Variants in PECAM1 observed in about 807,000 individuals in gnomAD.
PECAM1 encodes the protein platelet and endothelial cell adhesion molecule 1, also known as platelet endothelial cell adhesion molecule.
A neutral mutation model predicts 13.8 loss-of-function variants in PECAM1; 8 were observed. The ratio of observed to expected loss-of-function variants is 0.58; its 90% CI spans 0.34 to 1.05. The LOEUF is 1.05. PECAM1 is among the 50% of genes least tolerant of loss of function. PECAM1 has a pLI of 0.03. For synonymous variants in PECAM1, 136 were observed against 52.6 expected (o/e 2.58, Z -6.86); for missense variants, 304 against 141.2 (o/e 2.15, Z -5.84).
intron 13 of PECAM1, among the ~76,000 whole-genome samples, chr17:64,347,763 C>T (rs972730311): frequency 2.0e-5 from 3 of 147,728 alleles, no homozygotes; most frequent in Admixed American, 6.9e-5. Flanking sequence ...TGGAGTCTCA[C>T]TCTGTCACCC....
At chr17:64,337,176 A>C (rs892653953) in intron 14 of PECAM1, among the ~76,000 whole-genome samples, 24 of 152,228 alleles carry the variant, frequency 1.6e-4, no homozygotes, top group South Asian at 1.2e-3. Context: ...CAGCCTGTGC[A>C]AGAACCAGGG....
chr17:64,324,415 G>A (rs782202017), intron 15 of PECAM1, among the ~76,000 whole-genome samples: 2 of 152,102 alleles, frequency 1.3e-5, no homozygotes, highest in African/African-American at 2.4e-5. Flanking sequence ...GCTCTGTAGG[G>A]ACCATAGCCT....
chr17:64,389,182 C>A (rs2036664538), intron 2 of PECAM1, among the ~76,000 whole-genome samples: 2 of 152,178 alleles, frequency 1.3e-5, no homozygotes, highest in Admixed American at 6.5e-5. Flanking sequence ...CACCAGCTAG[C>A]CTTGCCCATG....
In PECAM1 at chr17:64,360,333, C is replaced by A; in HGVS notation, c.1299G>T (p.Ser433=). ...AAGAAATAGGCAAAGTTCCACTGATCGATTCGCAACGGACTTCGATGGTCT... is the reference window on the plus strand; with the variant it reads ...AAGAAATAGGCAAAGTTCCACTGATAGATTCGCAACGGACTTCGATGGTCT... ...KGQTIEVRCE[S]ISGTLPISYQ... Residue 433 remains serine, a synonymous_variant, in exon 7 of 16, where the codon TCG becomes TCT. Coordinates refer to ENST00000563924, the MANE Select transcript of PECAM1 (RefSeq NM_000442.5). 2 of 475,330 alleles carry A rather than the reference C, an allele frequency of 4.2e-6. No homozygotes were observed. Among genetic ancestry groups the A allele is most frequent in the Non-Finnish European group, 3.9e-6 (1 of 259,048 alleles). 29.4% of individuals were successfully genotyped at this position (475,330 alleles called of 1,614,324 possible).
chr17:64,364,950 T>C (rs2036069866), intron 5 of PECAM1, among the ~76,000 whole-genome samples: 2 of 151,304 alleles, frequency 1.3e-5, no homozygotes, highest in Middle Eastern at 3.4e-3. Flanking sequence ...CTATTCAACA[T>C]AGTGTTGGAA....
At chr17:64,371,986 C>T (rs887101368) in intron 4 of PECAM1, among the ~76,000 whole-genome samples, 8 of 151,650 alleles carry the variant, frequency 5.3e-5, no homozygotes, top group East Asian at 3.9e-4. Flanking sequence ...AGGTGGTTTA[C>T]GGGAAAAAAA....
At chr17:64,379,652 G>A (rs965792548) in intron 2 of PECAM1, among the ~76,000 whole-genome samples, 6 of 152,058 alleles carry the variant, frequency 3.9e-5, no homozygotes, top group African/African-American at 1.5e-4. Context: ...GGTTTAATCA[G>A]CACCATAAAA....
At chr17:64,324,850 CAG>C (rs1469923677) in intron 15 of PECAM1, among the ~76,000 whole-genome samples, 1 of 152,136 alleles carries the variant, frequency 6.6e-6, no homozygotes, top group Non-Finnish European at 1.5e-5. Flanking sequence ...AGAAAGTAGA[CAG>C]TGGTTGCTAG....
At chr17:64,358,526 C>T (rs928530974) in intron 7 of PECAM1, among the ~76,000 whole-genome samples, 11 of 152,148 alleles carry the variant, frequency 7.2e-5, no homozygotes, top group Non-Finnish European at 1.5e-4. Flanking sequence ...AGCCCTGGCA[C>T]CTAGCCCAGC....
intron 6 of PECAM1, 86 bp from the exon 7 acceptor site, chr17:64,360,501 G>A: frequency 2.3e-6 from 1 of 432,400 alleles, no homozygotes; most frequent in Non-Finnish European, 4.2e-6. Context: ...CAAAGCCTGA[G>A]CTTTGCTTTC....
rs1598019680 is a variant in PECAM1, at chr17:64,350,422, C to T, written c.2002G>A (p.Asp668Asn). The T allele has an allele frequency of 4.6e-6, 2 of 430,412 alleles. No individual in the cohort carries two copies. The highest frequency in any genetic ancestry group is 4.3e-6 in the Non-Finnish European group (1 of 234,484). The allele number at this position is 430,412 out of a possible 1,614,324, so 26.7% of individuals were successfully genotyped here. Residue 668 changes from aspartate to asparagine, a missense_variant, in exon 12 of 16, where the codon GAT becomes AAT. Coordinates refer to ENST00000563924, the MANE Select transcript of PECAM1 (RefSeq NM_000442.5). Reference protein sequence around the residue: ...EANSHYGHNDDVRNHAMKPIN... With the variant: ...EANSHYGHNDNVRNHAMKPIN... ...GGTTTCATTGCATGGTTTCTGACAT[C>T]GTCATTGTGACCTAGTTGAAAAATA...
At chr17:64,359,096 C>T (rs1172633018) in intron 7 of PECAM1, among the ~76,000 whole-genome samples, 1 of 152,092 alleles carries the variant, frequency 6.6e-6, no homozygotes, top group Non-Finnish European at 1.5e-5. Context: ...CCTCAACCAG[C>T]CTATGTTAAT....
chr17:64,381,374 T>C (rs1304849599), intron 2 of PECAM1, among the ~76,000 whole-genome samples: 2 of 152,212 alleles, frequency 1.3e-5, no homozygotes, highest in Non-Finnish European at 2.9e-5. Context: ...CCTGCCTTTA[T>C]TTTTCTCTCA....
intron 5 of PECAM1, among the ~76,000 whole-genome samples, chr17:64,367,634 A>T (rs2036140929): frequency 1.3e-5 from 2 of 152,030 alleles, no homozygotes; most frequent in Admixed American, 1.3e-4. Flanking sequence ...AAAGTTATCC[A>T]GGGAAAGTAT....
At position 64,321,588 on chromosome 17, in the gene PECAM1, T is replaced by C; in HGVS notation, c.*2228A>G. 2.0e-6 allele frequency: 1 copy of C among 487,924 alleles called. No homozygotes were observed. Among genetic ancestry groups the C allele is most frequent in the Non-Finnish European group, 2.8e-6 (1 of 354,468 alleles). 30.2% of individuals were successfully genotyped at this position (487,924 alleles called of 1,614,324 possible). A position where few individuals can be genotyped will look rare whatever the true frequency, so the allele number is the denominator to read the frequency against. ...GCCTGGGCACCATGGTGAAACCTCA[T>C]CTCTGCAAAAAAAAAATTAAAAATT... On this transcript the variant is annotated 3_prime_UTR_variant, in exon 16 of 16. Transcript: ENST00000563924.
chr17:64,344,793 C>T lies in PECAM1; in HGVS notation c.2108-3103G>A, dbSNP rs1470275543. On this transcript the variant is annotated intron_variant, in intron 13 of 15. Coordinates refer to ENST00000563924, the MANE Select transcript of PECAM1 (RefSeq NM_000442.5). ...GCTCCTTAGCTGCCAAGGAGGAGGA[C>T]GGGTCTAGAAAACTCAAATTGAATT... Among the ~76,000 whole-genome samples the T allele has an allele frequency of 3.3e-5, 5 of 152,030 alleles. No homozygotes were observed. In the East Asian group the frequency reaches 5.8e-4, roughly 18 times the overall value.
In PECAM1 at chr17:64,352,541, A is replaced by G. The variant is rs56112063; in HGVS notation, c.1917-78T>C. 4.6e-3 allele frequency: 1,880 copies of G among 408,440 alleles called. 2 individuals are homozygous for G. Among genetic ancestry groups the G allele is most frequent in the Middle Eastern group, 8.2e-3 (13 of 1,582 alleles). 25.3% of individuals were successfully genotyped at this position (408,440 alleles called of 1,614,324 possible). A position where few individuals can be genotyped will look rare whatever the true frequency, so the allele number is the denominator to read the frequency against. ...TTATTGTTCTAACCCCAAACCACCA[A>G]AGTAAACAAGGGAAGATCATGAGAA... On this transcript the variant is annotated intron_variant, in intron 10 of 15. Transcript: ENST00000563924.
rs5821431 is a variant in PECAM1, at chr17:64,321,594, C to CAA, written c.*2220_*2221dup. Reference sequence around the variant, plus strand: ...GCACCATGGTGAAACCTCATCTCTGCAAAAAAAAAATTAAAAATTAGCCAG... The same window carrying CAA: ...GCACCATGGTGAAACCTCATCTCTGCAAAAAAAAAAAATTAAAAATTAGCCAG... On this transcript the variant is annotated 3_prime_UTR_variant, in exon 16 of 16. Transcript: ENST00000563924. The CAA allele has an allele frequency of 3.9e-5, 16 of 412,732 alleles. No individual in the cohort carries two copies. The highest frequency in any genetic ancestry group is 8.5e-5 in the South Asian group (2 of 23,466). 25.6% of individuals were successfully genotyped at this position (412,732 alleles called of 1,614,324 possible).
At chr17:64,357,540 T>A (rs1343979991) in intron 7 of PECAM1, among the ~76,000 whole-genome samples, 2 of 152,200 alleles carry the variant, frequency 1.3e-5, no homozygotes, top group African/African-American at 4.8e-5. Context: ...GCAGATGGTA[T>A]TGTAACTTAT....
Sources: allele counts gnomAD v4.1 joint callset (sites outside exome capture counted in the v4.1 genomes callset), GRCh38; gene constraint gnomAD v4.1.1; transcripts MANE v1.5; gene names NCBI Gene and HGNC (gene_info 2026-07-23, HGNC 2026-07-21).